Variants in TPTE observed in about 807,000 individuals in gnomAD.
TPTE encodes putative tyrosine-protein phosphatase TPTE.
In TPTE, 59 loss-of-function variants were observed where a neutral mutation model predicts 84.1. The observed-to-expected ratio is 0.70, with a 90% CI of 0.57 to 0.87. The LOEUF is 0.87. TPTE is among the 40% of genes least tolerant of loss of function. The pLI is 0.00. For synonymous variants in TPTE, 130 were observed against 223.5 expected (o/e 0.58, Z 3.73); for missense variants, 382 against 659.6 (o/e 0.58, Z 4.61).
At chr21:10,562,153 G>A (rs1237832413) in intron 10 of TPTE, among the ~76,000 whole-genome samples, 2 of 152,308 alleles carry the variant, frequency 1.3e-5, no homozygotes, top group African/African-American at 2.4e-5. Context: ...GTACCACTAT[G>A]AGTCTGCAAG....
chr21:10,560,283 A>G (rs1372436123), intron 9 of TPTE, among the ~76,000 whole-genome samples: 3 of 152,310 alleles, frequency 2.0e-5, no homozygotes, highest in African/African-American at 4.8e-5. Flanking sequence ...TTCTCTACAT[A>G]AGAGTAAGAT....
At chr21:10,548,291 G>A (rs2074507834) in intron 7 of TPTE, among the ~76,000 whole-genome samples, 1 of 152,300 alleles carries the variant, frequency 6.6e-6, no homozygotes. Flanking sequence ...ACACTCCCAG[G>A]CCAACTAAGC....
At chr21:10,521,969 C>T (rs1345916861) in intron 1 of TPTE, among the ~76,000 whole-genome samples, 8 of 151,844 alleles carry the variant, frequency 5.3e-5, no homozygotes, top group African/African-American at 1.9e-4. Flanking sequence ...TCATTCAAAC[C>T]CGGCCGGCCT....
At chr21:10,560,329 T>A in intron 9 of TPTE, among the ~76,000 whole-genome samples, 1 of 152,312 alleles carries the variant, frequency 6.6e-6, no homozygotes, top group Non-Finnish European at 1.5e-5. Flanking sequence ...GATATAATTG[T>A]TTCCTTTTGA....
At chr21:10,562,048 T>A (rs1362098899) in intron 10 of TPTE, among the ~76,000 whole-genome samples, 6 of 152,394 alleles carry the variant, frequency 3.9e-5, no homozygotes, top group Non-Finnish European at 8.8e-5. Context: ...AGAGAGAGAC[T>A]CTGTTTGTTT....
intron 8 of TPTE, among the ~76,000 whole-genome samples, chr21:10,559,184 A>G (rs1021735651): frequency 4.6e-5 from 7 of 152,428 alleles, no homozygotes; most frequent in African/African-American, 1.4e-4. Context: ...TCTTCATGCT[A>G]TACTCCTTGA....
chr21:10,597,239 A>C (rs556642788), intron 20 of TPTE, among the ~76,000 whole-genome samples: 3 of 152,402 alleles, frequency 2.0e-5, no homozygotes, highest in Admixed American at 6.5e-5. Context: ...GGATATAACT[A>C]TCGTATATTT....
chr21:10,522,152 C>A (rs1402471133), intron 1 of TPTE, among the ~76,000 whole-genome samples: 7 of 152,366 alleles, frequency 4.6e-5, no homozygotes, highest in Admixed American at 1.3e-4. Context: ...TTGTCCCCCC[C>A]CAGGATGACC....
At chr21:10,539,445 G>C (rs2074326979) in intron 4 of TPTE, among the ~76,000 whole-genome samples, 2 of 152,304 alleles carry the variant, frequency 1.3e-5, no homozygotes, top group Non-Finnish European at 2.9e-5. Flanking sequence ...ACTTGACGGA[G>C]AGATCCAGGA....
rs752616094 is a variant in TPTE at position 10,542,420 on chromosome 21, G to A, written c.91G>A (p.Ala31Thr). The part of the protein sequence containing the change: ...DSPQTSEFKG[A>T]TEEAPAKESP... ...TCCACAGACAAGTGAATTTAAAGGA[G>A]CAACCGAGGAGGCACCTGCGAAAGA... The change falls in exon 6 of 24, where the codon GCA becomes ACA. Residue 31 changes from alanine (A) to threonine (T), a missense_variant. Physicochemically the swap from Ala to Thr is moderately conservative, Grantham distance 58. Transcript: ENST00000618007. 2 of 1,611,808 alleles carry A rather than the reference G, an allele frequency of 1.2e-6. No homozygotes were observed. The highest frequency in any genetic ancestry group is 3.3e-5 in the Admixed American group (2 of 59,930).
chr21:10,575,826 GAAAA>G (rs61122354), intron 14 of TPTE, among the ~76,000 whole-genome samples: 4 of 148,252 alleles, frequency 2.7e-5, no homozygotes, highest in Non-Finnish European at 6.0e-5. Flanking sequence ...ACAAAAATAT[GAAAA>G]AAAAAAACTC....
chr21:10,582,145 A>G (rs1182259561), intron 17 of TPTE, among the ~76,000 whole-genome samples: 1 of 152,310 alleles, frequency 6.6e-6, no homozygotes, highest in African/African-American at 2.4e-5. Flanking sequence ...GATGTAGTAA[A>G]GATATTCCAC....
At chr21:10,580,139 C>T (rs1467137139) in intron 17 of TPTE, among the ~76,000 whole-genome samples, 1 of 152,310 alleles carries the variant, frequency 6.6e-6, no homozygotes, top group Admixed American at 6.5e-5. Context: ...TACCTCTTGG[C>T]CATTTGTGTG....
intron 3 of TPTE, among the ~76,000 whole-genome samples, chr21:10,528,962 G>T (rs1435314343): frequency 6.6e-5 from 10 of 152,302 alleles, no homozygotes; most frequent in African/African-American, 1.4e-4. Context: ...TGAGGCAGGT[G>T]GACCACGAGG....
intron 19 of TPTE, among the ~76,000 whole-genome samples, chr21:10,593,228 C>G (rs1313042929): frequency 6.6e-6 from 1 of 152,312 alleles, no homozygotes; most frequent in Non-Finnish European, 1.5e-5. Flanking sequence ...ATCATTTTAT[C>G]ACACAGCATT....
rs1025399856 is a variant in TPTE at position 10,583,958 on chromosome 21, G to A, written c.1027+5353G>A. Among the ~76,000 whole-genome samples, 14 of 152,364 alleles carry A rather than the reference G, an allele frequency of 9.2e-5. No homozygotes were observed. In the East Asian group the frequency reaches 2.7e-3, roughly 30 times the overall value. ...TTCTTCTTTTTCTTCACAATTGTTTGGGTATTTTAGGTCATCTATATTTCC... is the reference window on the plus strand; with the variant it reads ...TTCTTCTTTTTCTTCACAATTGTTTAGGTATTTTAGGTCATCTATATTTCC... On this transcript the variant is annotated intron_variant, in intron 17 of 23. Coordinates refer to ENST00000618007, the MANE Select transcript of TPTE (RefSeq NM_199261.4).
At chr21:10,546,606 T>G (rs1487696351) in intron 7 of TPTE, among the ~76,000 whole-genome samples, 1 of 152,310 alleles carries the variant, frequency 6.6e-6, no homozygotes, top group Admixed American at 6.5e-5. Context: ...TGAAGAAAAT[T>G]AAGACTGCTA....
At chr21:10,587,427 C>T (rs2075386224) in intron 17 of TPTE, among the ~76,000 whole-genome samples, 1 of 152,312 alleles carries the variant, frequency 6.6e-6, no homozygotes, top group African/African-American at 2.4e-5. Context: ...TGTCCATGAG[C>T]ACCCATTGTT....
At chr21:10,527,772 A>T (rs1481795495) in intron 3 of TPTE, among the ~76,000 whole-genome samples, 1 of 152,306 alleles carries the variant, frequency 6.6e-6, no homozygotes, top group Non-Finnish European at 1.5e-5. Context: ...CACCCTTCAG[A>T]GCTGGTGCCC....
Sources: gnomAD v4.1 joint callset for allele counts (sites outside exome capture counted in the v4.1 genomes callset) on GRCh38, gnomAD v4.1.1 for gene constraint, MANE v1.5 for transcripts, NCBI Gene and HGNC (gene_info 2026-07-23, HGNC 2026-07-21) for gene names.